The following RAB22A variants were observed in gnomAD, a reference collection of about 807,000 sequenced individuals.
RAB22A encodes ras-related protein Rab-22A.
In RAB22A, 13 loss-of-function variants were observed where a neutral mutation model predicts 30.2. The observed-to-expected ratio is 0.43, with a 90% CI of 0.28 to 0.68. The LOEUF (loss-of-function observed/expected upper bound fraction) is 0.68, where lower values mean the gene tolerates loss of function less well. RAB22A is among the 30% of genes least tolerant of loss of function. RAB22A has a pLI of 0.18. For synonymous variants in RAB22A, 89 were observed against 87.2 expected (o/e 1.02, Z -0.11); for missense variants, 177 against 246.8 (o/e 0.72, Z 1.89).
chr20:58,362,393 A>G lies in RAB22A; in HGVS notation c.*2690A>G, dbSNP rs1987241485. 1 of 152,238 alleles carries G rather than the reference A, an allele frequency of 6.6e-6. No homozygotes were observed. The highest frequency in any genetic ancestry group is 1.5e-5 in the Non-Finnish European group (1 of 68,038). 9.4% of individuals were successfully genotyped at this position (152,238 alleles called of 1,614,324 possible). A position where few individuals can be genotyped will look rare whatever the true frequency, so the allele number is the denominator to read the frequency against. ...TCTTTATAATAATTTCTTATGGAGA[A>G]GAGGCTATATTTCAAAGGAATTGAG... On this transcript the variant is annotated 3_prime_UTR_variant, in exon 7 of 7. Coordinates refer to ENST00000244040, the MANE Select transcript of RAB22A (RefSeq NM_020673.3).
chr20:58,321,090 C>T (rs528170905), intron 2 of RAB22A, among the ~76,000 whole-genome samples: 110 of 151,544 alleles, frequency 7.3e-4, no homozygotes, highest in Non-Finnish European at 1.1e-3. Flanking sequence ...TTCAGGAGGC[C>T]GAGGCAAGAG....
intron 2 of RAB22A, among the ~76,000 whole-genome samples, chr20:58,337,924 T>C (rs1986787064): frequency 1.3e-5 from 2 of 152,204 alleles, no homozygotes; most frequent in South Asian, 4.1e-4. Context: ...AGTTTTGTCA[T>C]TGTTGATTTT....
chr20:58,353,188 GC>G lies in RAB22A; in HGVS notation c.199-84del. The G allele has an allele frequency of 1.7e-6, 2 of 1,206,598 alleles. 1 individual carries two copies. Among genetic ancestry groups the G allele is most frequent in the South Asian group, 2.7e-5 (2 of 74,984 alleles). The allele number at this position is 1,206,598 out of a possible 1,614,324, so 74.7% of individuals were successfully genotyped here. A position where few individuals can be genotyped will look rare whatever the true frequency, so the allele number is the denominator to read the frequency against. On this transcript the variant is annotated intron_variant, in intron 3 of 6. Transcript: ENST00000244040. ...GCTTAAGAGAAAGATTACTTTTTGTGCAGGGATAATGGGCTTATAAATCTAG... is the reference window on the plus strand; with the variant it reads ...GCTTAAGAGAAAGATTACTTTTTGTGAGGGATAATGGGCTTATAAATCTAG...
At chr20:58,323,158 T>C (rs905811702) in intron 2 of RAB22A, among the ~76,000 whole-genome samples, 8 of 152,360 alleles carry the variant, frequency 5.3e-5, no homozygotes, top group East Asian at 3.9e-4. Context: ...GTGTTTTTTT[T>C]CTACTTCTCT....
intron 2 of RAB22A, among the ~76,000 whole-genome samples, chr20:58,336,300 C>T (rs1306842938): frequency 6.6e-6 from 1 of 151,526 alleles, no homozygotes; most frequent in African/African-American, 2.4e-5. Context: ...GTATGAGCCA[C>T]GGCGCCCGGC....
chr20:58,342,235 T>G (rs1166274427), intron 2 of RAB22A, among the ~76,000 whole-genome samples: 4 of 152,240 alleles, frequency 2.6e-5, no homozygotes, highest in Non-Finnish European at 4.4e-5. Context: ...ACCTTCTGTG[T>G]ACAAAGCACT....
intron 5 of RAB22A, 85 bp downstream of exon 5, chr20:58,353,623 T>C: frequency 8.6e-7 from 1 of 1,156,888 alleles, no homozygotes; most frequent in Non-Finnish European, 1.2e-6. Flanking sequence ...ATCTTGCTTT[T>C]ATTTTATCTC....
rs1412813702 is a variant in RAB22A at position 58,309,754 on chromosome 20, G to A, written c.-223G>A. 3.5e-6 allele frequency: 1 copy of A among 283,186 alleles called. No individual in the cohort carries two copies. The highest frequency in any genetic ancestry group is 6.4e-6 in the Non-Finnish European group (1 of 155,902). 17.5% of individuals were successfully genotyped at this position (283,186 alleles called of 1,614,324 possible). A position where few individuals can be genotyped will look rare whatever the true frequency, so the allele number is the denominator to read the frequency against. On this transcript the variant is annotated 5_prime_UTR_variant, in exon 1 of 7. Transcript: ENST00000244040. ...GCGTCCCAAGATGGCGGCGGCGGCGGCTCCCGGAAGGCCGCGGCGGCGTCC... is the reference window on the plus strand; with the variant it reads ...GCGTCCCAAGATGGCGGCGGCGGCGACTCCCGGAAGGCCGCGGCGGCGTCC...
intron 2 of RAB22A, among the ~76,000 whole-genome samples, chr20:58,315,404 C>T (rs972934749): frequency 1.1e-4 from 16 of 152,286 alleles, no homozygotes; most frequent in African/African-American, 2.9e-4. Flanking sequence ...ATACCTCACA[C>T]GGTATCTGTG....
chr20:58,323,877 T>C (rs945997279), intron 2 of RAB22A, among the ~76,000 whole-genome samples: 3 of 152,242 alleles, frequency 2.0e-5, no homozygotes, highest in Middle Eastern at 3.4e-3. Flanking sequence ...CACATAATTA[T>C]ACTCTTTTAT....
At chr20:58,341,972 T>TGCAA (rs552175373) in intron 2 of RAB22A, among the ~76,000 whole-genome samples, 83 of 152,328 alleles carry the variant, frequency 5.4e-4, no homozygotes, top group Middle Eastern at 6.8e-3. Context: ...GTTGCAAGCT[T>TGCAA]TTAGGACTAA....
At chr20:58,312,252 G>A (rs1986241462) in intron 2 of RAB22A, among the ~76,000 whole-genome samples, 1 of 150,278 alleles carries the variant, frequency 6.7e-6, no homozygotes, top group African/African-American at 2.4e-5. Context: ...GCCACACCTC[G>A]CCTATGTGTT....
At chr20:58,342,908 G>A (rs1986879438) in intron 2 of RAB22A, among the ~76,000 whole-genome samples, 1 of 151,986 alleles carries the variant, frequency 6.6e-6, no homozygotes, top group Non-Finnish European at 1.5e-5. Flanking sequence ...GTGTCTTCTG[G>A]GCCACCATGG....
intron 3 of RAB22A, among the ~76,000 whole-genome samples, chr20:58,352,196 T>C (rs909589673): frequency 6.6e-6 from 1 of 152,160 alleles, no homozygotes; most frequent in Admixed American, 6.5e-5. Flanking sequence ...AATTTTAAAT[T>C]TATCGTAAAA....
intron 3 of RAB22A, among the ~76,000 whole-genome samples, chr20:58,347,603 G>C (rs773617520): frequency 6.6e-6 from 1 of 152,132 alleles, no homozygotes; most frequent in Non-Finnish European, 1.5e-5. Flanking sequence ...AATCAAGTTC[G>C]ACTCAGTGTT....
In RAB22A at chr20:58,362,053, A is replaced by G. The variant is rs1370565572; in HGVS notation, c.*2350A>G. 4 of 151,940 alleles carry G rather than the reference A, an allele frequency of 2.6e-5. No individual in the cohort carries two copies. Among genetic ancestry groups the G allele is most frequent in the Admixed American group, 1.3e-4 (2 of 15,256 alleles). 9.4% of individuals were successfully genotyped at this position (151,940 alleles called of 1,614,324 possible). A position where few individuals can be genotyped will look rare whatever the true frequency, so the allele number is the denominator to read the frequency against. The stretch of plus-strand genomic sequence containing the variant: ...TTTATTATAGCCACATGTTTTATTA[A>G]CAGAATGAGTGATATGAAGCTTGTA... On this transcript the variant is annotated 3_prime_UTR_variant, in exon 7 of 7. Coordinates refer to ENST00000244040, the MANE Select transcript of RAB22A (RefSeq NM_020673.3).
At chr20:58,324,865 C>CAAAAA (rs35375006) in intron 2 of RAB22A, among the ~76,000 whole-genome samples, 1 of 29,754 alleles carries the variant, frequency 3.4e-5, no homozygotes, top group Non-Finnish European at 5.9e-5. Context: ...GACTCCGTCT[C>CAAAAA]AAAAAAAAAA....
At position 58,311,813 on chromosome 20, in the gene RAB22A, A is replaced by G. The variant is rs572490804; in HGVS notation, c.116+691A>G. ...TTTCCAGCATTTAAAGAAAAAATCTATGTTATCCATCATTAGGATAAAATT... is the reference window on the plus strand; with the variant it reads ...TTTCCAGCATTTAAAGAAAAAATCTGTGTTATCCATCATTAGGATAAAATT... On this transcript the variant is annotated intron_variant, in intron 2 of 6. Transcript: ENST00000244040. Among the ~76,000 whole-genome samples the G allele has an allele frequency of 1.1e-4, 17 of 152,316 alleles. No homozygotes were observed. The South Asian group carries it at 2.9e-3, about 26-fold the overall frequency.
At position 58,353,646 on chromosome 20, in the gene RAB22A, A is replaced by G. The variant is rs563256429; in HGVS notation, c.377+108A>G. The G allele has an allele frequency of 9.3e-5, 96 of 1,027,500 alleles. No individual in the cohort carries two copies. The African/African-American group carries it at 1.4e-3, about 15-fold the overall frequency. 63.6% of individuals were successfully genotyped at this position (1,027,500 alleles called of 1,614,324 possible). ...TTTATTTTATCTCTGACATTGAAAA[A>G]TTCCTTTTGGTTGTGTGGTTGGAGT... On this transcript the variant is annotated intron_variant, in intron 5 of 6. Transcript: ENST00000244040.
Sources: gnomAD v4.1 joint callset for allele counts (sites outside exome capture counted in the v4.1 genomes callset) on GRCh38, gnomAD v4.1.1 for gene constraint, MANE v1.5 for transcripts, NCBI Gene and HGNC (gene_info 2026-07-23, HGNC 2026-07-21) for gene names.